CSMD1: variants seen among roughly 807,000 people sequenced by gnomAD.
The protein encoded by CSMD1 is CUB and sushi domain-containing protein 1.
CSMD1 carries 213 observed loss-of-function variants against 417.5 expected under a neutral mutation model. The observed-to-expected ratio is 0.51, with a 90% confidence interval of 0.46 to 0.57. The LOEUF (loss-of-function observed/expected upper bound fraction) is 0.57, where lower values mean the gene tolerates loss of function less well. Among genes scored for constraint, CSMD1 ranks in the 20% least tolerant of loss-of-function variants. The probability of loss-of-function intolerance (pLI) is 0.00; values close to 1 mark genes in which losing one functional copy is unlikely to be tolerated. For synonymous variants in CSMD1, 2,862 were observed against 1,736.8 expected (o/e 1.65, Z -16.11); for missense variants, 6,923 against 4,529.7 (o/e 1.53, Z -15.17).
chr8:4,104,758 C>A (rs950840891), intron 3 of CSMD1, among the ~76,000 whole-genome samples: 1 of 152,146 alleles, frequency 6.6e-6, no homozygotes, highest in African/African-American at 2.4e-5. Flanking sequence ...AAGCACAATC[C>A]GGCTTTCCGT....
chr8:4,172,925 C>T (rs1027539361), intron 3 of CSMD1, among the ~76,000 whole-genome samples: 1 of 152,102 alleles, frequency 6.6e-6, no homozygotes, highest in African/African-American at 2.4e-5. Flanking sequence ...AACAAGTTAA[C>T]AGCAACTTAC....
intron 1 of CSMD1, among the ~76,000 whole-genome samples, chr8:4,787,136 T>A (rs1797441609): frequency 6.6e-6 from 1 of 152,162 alleles, no homozygotes; most frequent in African/African-American, 2.4e-5. Flanking sequence ...AGGGAAACTA[T>A]CCGCCTATAC....
chr8:4,201,404 GC>G (rs776961047), intron 3 of CSMD1, among the ~76,000 whole-genome samples: 1 of 151,726 alleles, frequency 6.6e-6, no homozygotes, highest in Non-Finnish European at 1.5e-5. Flanking sequence ...CGGGGGTGGC[GC>G]TGGGCGCCTG....
intron 5 of CSMD1, among the ~76,000 whole-genome samples, chr8:3,977,369 A>G (rs1813514839): frequency 6.6e-6 from 1 of 152,142 alleles, no homozygotes; most frequent in Non-Finnish European, 1.5e-5. Context: ...AAGGCACTCA[A>G]TACATTTTGC....
Position 4,023,295 on chromosome 8 carries a change from T to C in CSMD1, c.610+8610A>G, listed in dbSNP as rs75117378. On this transcript the variant is annotated intron_variant, in intron 4 of 69. Coordinates refer to ENST00000635120, the MANE Select transcript of CSMD1 (RefSeq NM_033225.6). ...CAACTACCCATCATTGAGACTCATT[T>C]TGAATTTAACTTGAGCAAAGAGTAT... 9.9e-3 allele frequency among the ~76,000 whole-genome samples: 1,512 copies of C among 152,322 alleles called. 24 individuals carry two copies. The highest frequency in any genetic ancestry group is 0.057 in the East Asian group (296 of 5,174).
At chr8:3,825,396 G>A (rs112559362) in intron 5 of CSMD1, among the ~76,000 whole-genome samples, 5 of 152,244 alleles carry the variant, frequency 3.3e-5, no homozygotes, top group Admixed American at 6.5e-5. Flanking sequence ...AGGGGTGGTG[G>A]TAGGCACCTG....
At chr8:2,953,896 C>G (rs1045087418) in intron 65 of CSMD1, among the ~76,000 whole-genome samples, 1 of 152,238 alleles carries the variant, frequency 6.6e-6, no homozygotes. Context: ...AGTCGCAACC[C>G]TCTTTATAAG....
At chr8:4,887,858 G>C (rs1248121764) in intron 1 of CSMD1, among the ~76,000 whole-genome samples, 4 of 151,958 alleles carry the variant, frequency 2.6e-5, no homozygotes, top group Non-Finnish European at 4.4e-5. Flanking sequence ...TCCAGCTTTT[G>C]CATGACTGAT....
chr8:3,710,511 G>T (rs1477761374), intron 6 of CSMD1, among the ~76,000 whole-genome samples: 1 of 152,182 alleles, frequency 6.6e-6, no homozygotes, highest in African/African-American at 2.4e-5. Context: ...CTGACATTCA[G>T]AGGGCTGGGC....
intron 3 of CSMD1, among the ~76,000 whole-genome samples, chr8:4,392,806 A>G (rs1308312093): frequency 2.0e-5 from 3 of 151,718 alleles, no homozygotes; most frequent in African/African-American, 4.8e-5. Flanking sequence ...CATCTCTAGT[A>G]AAAATACAAA....
At chr8:3,792,445 C>G (rs552582726) in intron 5 of CSMD1, among the ~76,000 whole-genome samples, 1 of 152,170 alleles carries the variant, frequency 6.6e-6, no homozygotes, top group Non-Finnish European at 1.5e-5. Context: ...CAAAACTGAA[C>G]AAGATGAGGA....
intron 5 of CSMD1, among the ~76,000 whole-genome samples, chr8:3,962,987 A>G (rs1029387038): frequency 2.3e-4 from 35 of 152,094 alleles, no homozygotes; most frequent in African/African-American, 8.2e-4. Flanking sequence ...CCCAGGCTGG[A>G]GTGCGGTGGA....
intron 33 of CSMD1, among the ~76,000 whole-genome samples, 180 bp downstream of exon 33, chr8:3,199,534 G>A (rs1185716472): frequency 6.6e-6 from 1 of 152,074 alleles, no homozygotes; most frequent in Non-Finnish European, 1.5e-5. Context: ...AGTTTCAACT[G>A]TCAAAAAATT....
chr8:4,927,346 C>T (rs1028076932), intron 1 of CSMD1, among the ~76,000 whole-genome samples: 1 of 152,024 alleles, frequency 6.6e-6, no homozygotes, highest in African/African-American at 2.4e-5. Flanking sequence ...GTATGAGCCA[C>T]CACGCCCGGC....
At chr8:3,371,947 G>C (rs1435779787) in intron 18 of CSMD1, among the ~76,000 whole-genome samples, 1 of 152,178 alleles carries the variant, frequency 6.6e-6, no homozygotes, top group Non-Finnish European at 1.5e-5. Context: ...CTGCTATTGA[G>C]CAAGCTCTGC....
At chr8:4,585,369 A>C (rs542190303) in intron 2 of CSMD1, among the ~76,000 whole-genome samples, 15 of 152,320 alleles carry the variant, frequency 9.8e-5, no homozygotes, top group African/African-American at 3.6e-4. Context: ...AAAAAGGTTA[A>C]TACACAATTT....
At chr8:4,770,198 C>T (rs34866726) in intron 1 of CSMD1, among the ~76,000 whole-genome samples, 58,710 of 148,310 alleles carry the variant, frequency 0.4, 12,026 homozygotes, top group Admixed American at 0.55. Context: ...TTCCTATATA[C>T]TTATAAATTA....
At chr8:4,002,057 G>C (rs998426961) in intron 4 of CSMD1, among the ~76,000 whole-genome samples, 3 of 152,126 alleles carry the variant, frequency 2.0e-5, no homozygotes, top group Non-Finnish European at 4.4e-5. Flanking sequence ...AAATATAGTA[G>C]AAGATTATTA....
chr8:4,903,006 TAATAATAAATAA>T (rs1260751822), intron 1 of CSMD1, among the ~76,000 whole-genome samples: 2 of 122,278 alleles, frequency 1.6e-5, no homozygotes, highest in Non-Finnish European at 3.3e-5. Context: ...TAAATAATAT[TAATAATAAATAA>T]ATAAATAAAT....
Sources: gnomAD v4.1 joint callset for allele counts (sites outside exome capture counted in the v4.1 genomes callset) on GRCh38, gnomAD v4.1.1 for gene constraint, MANE v1.5 for transcripts, NCBI Gene and HGNC (gene_info 2026-07-23, HGNC 2026-07-21) for gene names.